The following RAB3IL1 variants were observed in gnomAD, a reference collection of about 807,000 sequenced individuals.
The protein encoded by RAB3IL1 is guanine nucleotide exchange factor for Rab-3A.
RAB3IL1 carries 37 observed loss-of-function variants against 49.2 expected under a neutral mutation model. The observed-to-expected ratio is 0.75, with a 90% confidence interval of 0.58 to 0.99. The LOEUF (loss-of-function observed/expected upper bound fraction) is 0.99, where lower values mean the gene tolerates loss of function less well. RAB3IL1 is among the 50% of genes least tolerant of loss of function. The probability of loss-of-function intolerance (pLI) is 0.00; values close to 1 mark genes in which losing one functional copy is unlikely to be tolerated. For missense variants in RAB3IL1, 484 were observed against 513.0 expected, an observed-to-expected ratio of 0.94 and a Z score of 0.55; for synonymous variants, 193 against 213.9, an observed-to-expected ratio of 0.90 and a Z score of 0.85.
At position 61,907,479 on chromosome 11, in the gene RAB3IL1, A is replaced by G. The variant is rs1197694238; in HGVS notation, c.361-9T>C. On this transcript the variant is annotated splice_polypyrimidine_tract_variant and intron_variant, in intron 3 of 9. Transcript: ENST00000394836. ...ACCATCTTGTGAGCTTCCTAGGAAG[A>G]AGGCAGTCCCTGCGTGAGTGGTGAG... The G allele has an allele frequency of 6.2e-7, 1 of 1,614,168 alleles. No homozygotes were observed.
chr11:61,920,171 C>T (rs760931539), upstream of RAB3IL1: 13 of 1,315,140 alleles, frequency 9.9e-6, no homozygotes, highest in South Asian at 4.3e-5. Context: ...GGGCACCCAG[C>T]GTGCTCCTCA....
the RAB3IL1 span, among the ~76,000 whole-genome samples, chr11:61,932,164 T>C: frequency 9.2e-5 from 14 of 151,494 alleles, no homozygotes; most frequent in African/African-American, 3.4e-4. Flanking sequence ...GGCAGGAGAA[T>C]GGCGTGAACC....
At chr11:61,943,361 G>C in the RAB3IL1 span, among the ~76,000 whole-genome samples, 1 of 152,130 alleles carries the variant, frequency 6.6e-6, no homozygotes, top group East Asian at 1.9e-4. Context: ...ATTCCTAAAT[G>C]TAAGAACTAA....
At position 61,898,100 on chromosome 11, in the gene RAB3IL1, C is replaced by T. The variant is rs550982751; in HGVS notation, c.*178G>A. 47 of 638,336 alleles carry T rather than the reference C, an allele frequency of 7.4e-5. No individual in the cohort carries two copies. Among genetic ancestry groups the T allele is most frequent in the Non-Finnish European group, 1.1e-4 (39 of 359,840 alleles). The allele number at this position is 638,336 out of a possible 1,614,324, so 39.5% of individuals were successfully genotyped here. A position where few individuals can be genotyped will look rare whatever the true frequency, so the allele number is the denominator to read the frequency against. On this transcript the variant is annotated 3_prime_UTR_variant, in exon 10 of 10. Coordinates refer to ENST00000394836, the MANE Select transcript of RAB3IL1 (RefSeq NM_013401.4). The surrounding 1 kb of genome is among the most constrained non-coding windows in gnomAD (Gnocchi z 5.1). ...GGGGTCTTGCCGTGAAGTCCAGGCC[C>T]GTCTGTCCCAGGATGGACGTGTGGT... is the stretch of plus-strand genomic sequence containing the variant.
intron 9 of RAB3IL1, chr11:61,899,037 A>G: frequency 1.8e-6 from 1 of 551,810 alleles, no homozygotes; most frequent in Non-Finnish European, 3.4e-6. Context: ...AGGAGGGGCC[A>G]CCACCTCCAG....
At chr11:61,905,226 C>G (rs1939125615) in intron 5 of RAB3IL1, among the ~76,000 whole-genome samples, 2 of 152,178 alleles carry the variant, frequency 1.3e-5, no homozygotes, top group African/African-American at 4.8e-5. Flanking sequence ...GCCACAGGTA[C>G]CAGCAGGTAC....
chr11:61,906,682 G>T lies in RAB3IL1; in HGVS notation c.441C>A (p.Ile147=). The change falls in exon 5 of 10, where the codon ATC becomes ATA. Residue 147 remains isoleucine, a splice_region_variant and synonymous_variant. Coordinates refer to ENST00000394836, the MANE Select transcript of RAB3IL1 (RefSeq NM_013401.4). The surrounding 1 kb of genome is among the most constrained non-coding windows in gnomAD (Gnocchi z 4.6). ...CTGTCACCTCTGCCTGCAGCATGTC[G>T]ATCTGCATGGGATGGGATGGCTGTC... is the stretch of plus-strand genomic sequence containing the variant. ...EKQLKEARGK[I]DMLQAEVTAL... is the part of the protein sequence containing the mutation. 6.2e-7 allele frequency: 1 copy of T among 1,605,472 alleles called. No individual in the cohort carries two copies. Among genetic ancestry groups the T allele is most frequent in the Non-Finnish European group, 8.5e-7 (1 of 1,176,472 alleles).
chr11:61,903,726 T>C (rs1294863545), intron 7 of RAB3IL1, among the ~76,000 whole-genome samples: 1 of 152,122 alleles, frequency 6.6e-6, no homozygotes, highest in Non-Finnish European at 1.5e-5. Flanking sequence ...GTTTTCTCCA[T>C]GTTGGCCAGG....
Position 61,906,455 on chromosome 11 carries a change from C to T in RAB3IL1, c.657+11G>A. ...CCTTCCCCGTGCCCAGAGCCCGCTTCCCACCCTCACCTCCTTGCCCTCTCT... is the reference window on the plus strand; with the variant it reads ...CCTTCCCCGTGCCCAGAGCCCGCTTTCCACCCTCACCTCCTTGCCCTCTCT... On this transcript the variant is annotated intron_variant, in intron 5 of 9. Coordinates refer to ENST00000394836, the MANE Select transcript of RAB3IL1 (RefSeq NM_013401.4). The surrounding 1 kb of genome is among the most constrained non-coding windows in gnomAD (Gnocchi z 4.6). 6.5e-7 allele frequency: 1 copy of T among 1,540,796 alleles called. No homozygotes were observed. Among genetic ancestry groups the T allele is most frequent in the Non-Finnish European group, 8.7e-7 (1 of 1,146,464 alleles).
chr11:61,899,334 T>A lies in RAB3IL1; in HGVS notation c.1046A>T (p.Gln349Leu). The change falls in exon 9 of 10, where the codon CAA (glutamine) becomes CTA (leucine). Residue 349 changes from glutamine to leucine, a missense_variant. By Grantham distance (113) the Gln-to-Leu change is moderately radical (BLOSUM62 -2). Coordinates refer to ENST00000394836, the MANE Select transcript of RAB3IL1 (RefSeq NM_013401.4). ...CTCACCGTCCTGCCGCACCAGGCCTTGCTGGATGTAGCGGATGTAGGTGAA... is the reference window on the plus strand; with the variant it reads ...CTCACCGTCCTGCCGCACCAGGCCTAGCTGGATGTAGCGGATGTAGGTGAA... ...NFFTYIRYIQ[Q>L]GLVRQDAEPM... 1 of 1,608,266 alleles carries A rather than the reference T, an allele frequency of 6.2e-7. No homozygotes were observed. The highest frequency in any genetic ancestry group is 1.1e-5 in the South Asian group (1 of 91,004).
chr11:61,905,397 C>T (rs1425830582), intron 5 of RAB3IL1, among the ~76,000 whole-genome samples: 6 of 152,040 alleles, frequency 3.9e-5, no homozygotes, highest in Non-Finnish European at 7.4e-5. Flanking sequence ...ATTTACCTGT[C>T]GGGAAAAGGA....
the RAB3IL1 span, among the ~76,000 whole-genome samples, chr11:61,934,450 G>GTGTATGTATGTA: frequency 0.037 from 1,120 of 30,566 alleles, 34 homozygotes; most frequent in Non-Finnish European, 0.053. Context: ...GTGTGTGTAT[G>GTGTATGTATGTA]TATATATATA....
At chr11:61,922,301 A>T (rs1385255932), upstream of RAB3IL1, among the ~76,000 whole-genome samples, 4 of 152,040 alleles carry the variant, frequency 2.6e-5, no homozygotes, top group African/African-American at 7.2e-5. Context: ...CGAGTGGATC[A>T]TCTCTGAGGT....
At chr11:61,946,205 A>G in the RAB3IL1 span, among the ~76,000 whole-genome samples, 1 of 152,008 alleles carries the variant, frequency 6.6e-6, no homozygotes, top group Non-Finnish European at 1.5e-5. Flanking sequence ...TGTCCCACAT[A>G]AAGCCTGGAG....
At chr11:61,922,739 C>T (rs1740993063), upstream of RAB3IL1, among the ~76,000 whole-genome samples, 1 of 152,154 alleles carries the variant, frequency 6.6e-6, no homozygotes, top group Admixed American at 6.5e-5. Context: ...CAGTATCTCC[C>T]ACTTGGGCTT....
upstream of RAB3IL1, among the ~76,000 whole-genome samples, chr11:61,920,574 GT>G (rs1156491933): frequency 6.6e-6 from 1 of 152,226 alleles, no homozygotes; most frequent in African/African-American, 2.4e-5. Flanking sequence ...ATAGCTGGCT[GT>G]GTAGCCCTAG....
In RAB3IL1 at chr11:61,909,707, C is replaced by T. The variant is rs368345678; in HGVS notation, c.12-1401G>A. On this transcript the variant is annotated intron_variant, in intron 1 of 9. Coordinates refer to ENST00000394836, the MANE Select transcript of RAB3IL1 (RefSeq NM_013401.4). ...GGAAGTCTTGTTGGCAAGGGTTCCC[C>T]GCAGCCTGAGAGCTATGGCGGAGCC... Among the ~76,000 whole-genome samples the T allele has an allele frequency of 6.6e-5, 10 of 152,232 alleles. No individual in the cohort carries two copies. The South Asian group carries it at 8.3e-4, about 13-fold the overall frequency.
chr11:61,935,307 C>T, the RAB3IL1 span, among the ~76,000 whole-genome samples: 1 of 151,400 alleles, frequency 6.6e-6, no homozygotes, highest in Admixed American at 6.6e-5. Flanking sequence ...GTGATCCCAG[C>T]TACTTGGGAG....
rs1308613771 is a variant in RAB3IL1, at chr11:61,898,515, C to T, written c.1067-155G>A. ...AGATGACCTCAGTGAGTGGCTGGAC[C>T]TCTCTGAGGCTCCACTCTTGAGCCT... On this transcript the variant is annotated intron_variant, in intron 9 of 9. Transcript: ENST00000394836. The surrounding 1 kb of genome is among the most constrained non-coding windows in gnomAD (Gnocchi z 5.1). 6.6e-6 allele frequency among the ~76,000 whole-genome samples: 1 copy of T among 152,204 alleles called. No homozygotes were observed. The highest frequency in any genetic ancestry group is 1.5e-5 in the Non-Finnish European group (1 of 68,030).
Sources: allele counts gnomAD v4.1 joint callset (sites outside exome capture counted in the v4.1 genomes callset), GRCh38; gene constraint gnomAD v4.1.1; non-coding constraint Gnocchi (gnomAD v3.1); transcripts MANE v1.5; gene names NCBI Gene and HGNC (gene_info 2026-07-23, HGNC 2026-07-21).